Variants in NAV2 observed in about 807,000 individuals in gnomAD.
The protein encoded by NAV2 is helicase, APC down-regulated 1.
Under a neutral mutation model 223.2 loss-of-function variants are expected in NAV2, and 54 were observed. The ratio of observed to expected loss-of-function variants is 0.24; its 90% confidence interval spans 0.19 to 0.30. The LOEUF is 0.30. NAV2 is among the 10% of genes least tolerant of loss of function. The pLI is 1.00. For missense variants in NAV2, 2,806 were observed against 3,147.5 expected (o/e 0.89, Z 2.60); for synonymous variants, 1,279 against 1,239.3 (o/e 1.03, Z -0.67).
intron 1 of NAV2, among the ~76,000 whole-genome samples, chr11:19,534,522 G>A (rs1724525658): frequency 6.6e-6 from 1 of 152,224 alleles, no homozygotes; most frequent in African/African-American, 2.4e-5. Context: ...AAGTGAAGGA[G>A]CACAGAGAAA....
chr11:19,889,632 G>A (rs1050833154), intron 5 of NAV2, among the ~76,000 whole-genome samples: 3 of 152,166 alleles, frequency 2.0e-5, no homozygotes, highest in Non-Finnish European at 2.9e-5. Context: ...CCATTTGAAC[G>A]ATGTGCTGCT....
At chr11:19,725,770 C>A (rs899518690) in intron 1 of NAV2, among the ~76,000 whole-genome samples, 1 of 152,204 alleles carries the variant, frequency 6.6e-6, no homozygotes, top group Non-Finnish European at 1.5e-5. Flanking sequence ...TTGCCCACAC[C>A]CATGTATTAG....
intron 1 of NAV2, among the ~76,000 whole-genome samples, chr11:19,659,818 G>A (rs1467938420): frequency 6.6e-6 from 1 of 152,114 alleles, no homozygotes; most frequent in African/African-American, 2.4e-5. Flanking sequence ...GTCCCTGAGA[G>A]CCTCAGTTTC....
intron 4 of NAV2, among the ~76,000 whole-genome samples, chr11:19,876,124 C>T (rs1438921549): frequency 1.3e-5 from 2 of 152,162 alleles, no homozygotes; most frequent in Non-Finnish European, 2.9e-5. Context: ...CTCCCGGGTT[C>T]AAGCGATTCT....
chr11:19,385,637 C>G (rs1032188835), intron 1 of NAV2, among the ~76,000 whole-genome samples: 4 of 152,080 alleles, frequency 2.6e-5, no homozygotes, highest in African/African-American at 9.7e-5. Flanking sequence ...TAACCTCTTG[C>G]CTTTGCCTCT....
intron 1 of NAV2, among the ~76,000 whole-genome samples, chr11:19,571,804 G>A (rs931562981): frequency 6.6e-6 from 1 of 152,120 alleles, no homozygotes; most frequent in African/African-American, 2.4e-5. Context: ...GTCAGTAAAT[G>A]GTGCCTTTAC....
rs79686055 is a variant in NAV2 at position 19,697,121 on chromosome 11, C to T, written c.76-135363C>T. Among the ~76,000 whole-genome samples, 1,323 of 152,302 alleles carry T rather than the reference C, an allele frequency of 8.7e-3. 8 individuals carry two copies. The highest frequency in any genetic ancestry group is 0.031 in the African/African-American group (1,271 of 41,552). On this transcript the variant is annotated intron_variant, in intron 1 of 37. Coordinates refer to the NAV2 transcript ENST00000360655. ...CCATAAAAAAGAACAAAATCATGCC[C>T]TTTGCAGCAAATGGGTGGAGCTGGA...
At chr11:19,483,749 C>T (rs2042351814) in intron 1 of NAV2, among the ~76,000 whole-genome samples, 1 of 152,150 alleles carries the variant, frequency 6.6e-6, no homozygotes, top group Non-Finnish European at 1.5e-5. Context: ...TTCTGATGAA[C>T]AGCCATCAGG....
intron 4 of NAV2, among the ~76,000 whole-genome samples, chr11:19,872,572 T>C: frequency 6.6e-6 from 1 of 152,260 alleles, no homozygotes; most frequent in East Asian, 1.9e-4. Context: ...CTGAGTGCCC[T>C]GAGGCTCCTT....
At chr11:19,519,361 G>A (rs907758696) in intron 1 of NAV2, among the ~76,000 whole-genome samples, 3 of 152,200 alleles carry the variant, frequency 2.0e-5, no homozygotes, top group Non-Finnish European at 4.4e-5. Context: ...GCTAGGGGCT[G>A]TCCTAACTCT....
chr11:19,790,509 T>C (rs577916043), intron 1 of NAV2, among the ~76,000 whole-genome samples: 14 of 152,310 alleles, frequency 9.2e-5, no homozygotes, highest in African/African-American at 3.4e-4. Context: ...CTCAGAGCAA[T>C]TCCTTACACA....
chr11:19,709,387 A>G (rs2162056), upstream of NAV2, among the ~76,000 whole-genome samples: 16,686 of 151,578 alleles, frequency 0.11, 1,135 homozygotes, highest in Non-Finnish European at 0.14. Context: ...CTAAAAATAC[A>G]AAAAATTAGC....
chr11:19,577,493 G>A (rs1193681865), intron 1 of NAV2, among the ~76,000 whole-genome samples: 1 of 152,190 alleles, frequency 6.6e-6, no homozygotes, highest in African/African-American at 2.4e-5. Context: ...CTCCTCCTGG[G>A]CCCCCTAGAT....
chr11:19,635,348 T>C (rs2047463984), intron 1 of NAV2, among the ~76,000 whole-genome samples: 1 of 152,208 alleles, frequency 6.6e-6, no homozygotes, highest in South Asian at 2.1e-4. Context: ...AGCTGCAGTG[T>C]GGACGACAGA....
intron 1 of NAV2, among the ~76,000 whole-genome samples, chr11:19,736,664 A>G (rs987502680): frequency 6.6e-6 from 1 of 152,196 alleles, no homozygotes; most frequent in African/African-American, 2.4e-5. Context: ...GGCCAGTGTC[A>G]TCCACCTCAT....
chr11:19,870,097 T>C (rs2062379914), intron 4 of NAV2, among the ~76,000 whole-genome samples: 1 of 152,130 alleles, frequency 6.6e-6, no homozygotes. Context: ...GCTGGACCTG[T>C]TCCCAGTCAG....
Position 20,055,886 on chromosome 11 carries a change from G to A in NAV2, c.4760G>A (p.Ser1587Asn). ...TACACTGACAGCCGCTTCCGGAATA[G>A]CTCCATGTCCCTGGATGAGAAGAGC... ...DPYTDSRFRN[S>N]SMSLDEKSRT... Residue 1587 changes from serine to asparagine, a missense_variant, in exon 19 of 38, where the codon AGC (serine) becomes AAC (asparagine). Transcript: ENST00000349880. 1 of 1,614,230 alleles carries A rather than the reference G, an allele frequency of 6.2e-7. No homozygotes were observed. The highest frequency in any genetic ancestry group is 8.5e-7 in the Non-Finnish European group (1 of 1,180,038).
chr11:19,432,577 G>C (rs534770556), intron 1 of NAV2, among the ~76,000 whole-genome samples: 1 of 152,338 alleles, frequency 6.6e-6, no homozygotes, highest in East Asian at 1.9e-4. Context: ...GTGAAAGCCA[G>C]GATGAAGCAG....
chr11:19,811,828 G>A (rs2058848952), intron 1 of NAV2, among the ~76,000 whole-genome samples: 1 of 152,166 alleles, frequency 6.6e-6, no homozygotes, highest in Admixed American at 6.5e-5. Flanking sequence ...CTTAAGCTTG[G>A]TAAGCAGTCA....
Sources: gnomAD v4.1 joint callset for allele counts (sites outside exome capture counted in the v4.1 genomes callset) on GRCh38, gnomAD v4.1.1 for gene constraint, MANE v1.5 for transcripts, NCBI Gene and HGNC (gene_info 2026-07-23, HGNC 2026-07-21) for gene names.